DNAH5: variants seen among roughly 807,000 people sequenced by gnomAD.
DNAH5 encodes the protein dynein axonemal heavy chain 5.
In DNAH5, 372 loss-of-function variants were observed where a neutral mutation model predicts 518.2. That is an observed-to-expected ratio of 0.72 (90% CI 0.66 to 0.78). DNAH5 has a LOEUF of 0.78. Ranked by LOEUF, DNAH5 falls within the 30% of genes least tolerant of loss-of-function variation. The probability of loss-of-function intolerance (pLI) is 0.00; values close to 1 mark genes in which losing one functional copy is unlikely to be tolerated. For missense variants in DNAH5, 5,523 were observed against 5,687.0 expected, an observed-to-expected ratio of 0.97 and a Z score of 0.93; for synonymous variants, 2,039 against 2,025.9, an observed-to-expected ratio of 1.01 and a Z score of -0.17.
chr5:13,935,442 T>G (rs1778834040), intron 1 of DNAH5, among the ~76,000 whole-genome samples: 1 of 152,220 alleles, frequency 6.6e-6, no homozygotes, highest in Non-Finnish European at 1.5e-5. Context: ...GACATATTTT[T>G]AAGTAAATGT....
rs1372222800 is a variant in DNAH5 at position 13,922,186 on chromosome 5, T to A, written c.581A>T (p.Asn194Ile). Residue 194 changes from asparagine to isoleucine, a missense_variant, in exon 5 of 79, where the codon AAC (asparagine) becomes ATC (isoleucine). Asn to Ile is a moderately radical substitution (Grantham distance 149). This residue lies in a region of DNAH5 where 5,121 missense variants were observed against 5,223.3 expected (regional missense o/e 0.98). Transcript: ENST00000265104. ...GGAGCTCAAGAACTCCTGGCGAATGTTAGCTGCGTCCTGAAGGCCCTCGAG... is the reference window on the plus strand; with the variant it reads ...GGAGCTCAAGAACTCCTGGCGAATGATAGCTGCGTCCTGAAGGCCCTCGAG... ...GELEGLQDAA[N>I]IRQEFLSSLE... 2 of 1,614,032 alleles carry A rather than the reference T, an allele frequency of 1.2e-6. No homozygotes were observed. The highest frequency in any genetic ancestry group is 1.7e-6 in the Non-Finnish European group (2 of 1,179,980).
At chr5:13,921,475 TCACACACACACACACACA>T (rs138046391) in intron 5 of DNAH5, among the ~76,000 whole-genome samples, 2 of 73,698 alleles carry the variant, frequency 2.7e-5, no homozygotes, top group African/African-American at 1.0e-4. Context: ...TATCTCTCTC[TCACACACACACACACACA>T]CACACACACA....
intron 15 of DNAH5, chr5:13,899,640 CT>C (rs1278207902): frequency 6.5e-6 from 1 of 153,264 alleles, no homozygotes; most frequent in Non-Finnish European, 1.5e-5. Flanking sequence ...GTCAGGGCCC[CT>C]GCATGGTATT....
intron 47 of DNAH5, among the ~76,000 whole-genome samples, chr5:13,804,200 T>G (rs1425909843): frequency 6.6e-6 from 1 of 152,196 alleles, no homozygotes; most frequent in African/African-American, 2.4e-5. Context: ...TTGTCCAAAC[T>G]TTTGATAGTG....
At chr5:13,865,283 G>GCACC (rs1169958245) in intron 27 of DNAH5, among the ~76,000 whole-genome samples, 1 of 152,110 alleles carries the variant, frequency 6.6e-6, no homozygotes, top group East Asian at 1.9e-4. Context: ...ATGAGCTACT[G>GCACC]CACCCAGCCA....
chr5:13,962,759 C>G (rs1428179069), intron 1 of DNAH5, among the ~76,000 whole-genome samples: 1 of 152,168 alleles, frequency 6.6e-6, no homozygotes, highest in Non-Finnish European at 1.5e-5. Context: ...AAGATTCCTA[C>G]TAAAACTGGG....
At position 13,711,594 on chromosome 5, in the gene DNAH5, G is replaced by A. The variant is rs149032248; in HGVS notation, c.13125+2811C>T. 7.2e-4 allele frequency among the ~76,000 whole-genome samples: 110 copies of A among 152,252 alleles called. 2 individuals are homozygous for A. The highest frequency in any genetic ancestry group is 2.5e-3 in the African/African-American group (104 of 41,572). ...AGTCAAACTGTCACTGCTTGCTGAC[G>A]ATATGATCGCTTGCCTTGAAAACCC... On this transcript the variant is annotated intron_variant, in intron 75 of 78. Transcript: ENST00000265104.
intron 47 of DNAH5, among the ~76,000 whole-genome samples, chr5:13,795,967 G>C (rs186528856): frequency 1.3e-5 from 2 of 152,302 alleles, no homozygotes; most frequent in East Asian, 1.9e-4. Context: ...TATCTCAATA[G>C]ATGCAGAAAA....
intron 38 of DNAH5, among the ~76,000 whole-genome samples, chr5:13,828,127 G>A (rs1763146088): frequency 6.6e-6 from 1 of 152,226 alleles, no homozygotes. Flanking sequence ...AGAATGTTGG[G>A]AGACAAAATG....
chr5:13,827,566 C>T (rs1312307258), intron 38 of DNAH5, among the ~76,000 whole-genome samples: 1 of 150,542 alleles, frequency 6.6e-6, no homozygotes, highest in East Asian at 2.0e-4. Flanking sequence ...GGGGACTTGC[C>T]TTGTCTCAGA....
chr5:13,713,385 A>G (rs1403246997), intron 75 of DNAH5, among the ~76,000 whole-genome samples: 1 of 144,164 alleles, frequency 6.9e-6, no homozygotes, highest in East Asian at 2.0e-4. Context: ...CGACATATAT[A>G]TATACACTGA....
intron 50 of DNAH5, among the ~76,000 whole-genome samples, chr5:13,789,133 A>G (rs567318562): frequency 6.6e-6 from 1 of 152,366 alleles, no homozygotes; most frequent in South Asian, 2.1e-4. Flanking sequence ...GTAAGAAGAA[A>G]AAATCCTCCA....
chr5:13,769,252 T>TG lies in DNAH5; in HGVS notation c.9721-117_9721-116insC, dbSNP rs1261979621. 4 of 1,173,912 alleles carry TG rather than the reference T, an allele frequency of 3.4e-6. No homozygotes were observed. The African/African-American group carries it at 6.2e-5, about 18-fold the overall frequency. The allele number at this position is 1,173,912 out of a possible 1,614,324, so 72.7% of individuals were successfully genotyped here. A position where few individuals can be genotyped will look rare whatever the true frequency, so the allele number is the denominator to read the frequency against. On this transcript the variant is annotated intron_variant, in intron 57 of 78. Transcript: ENST00000265104. ...TTCACTTACCCAGTTTTGTTGTTTT[T>TG]TTTTTTTTTTTTTGAGATGGAGTCT... is the stretch of plus-strand genomic sequence containing the variant.
intron 3 of DNAH5, 36 bp from the exon 4 acceptor site, chr5:13,923,476 T>C (rs768533844): frequency 9.1e-5 from 146 of 1,612,140 alleles, no homozygotes; most frequent in Non-Finnish European, 1.2e-4. Flanking sequence ...TCACAAATGC[T>C]TTTTGCAGTC....
At chr5:13,898,783 A>C (rs779260350) in intron 15 of DNAH5, 2 of 395,144 alleles carry the variant, frequency 5.1e-6, no homozygotes, top group Non-Finnish European at 8.9e-6. Context: ...ACCACTATGA[A>C]ATTTTAACAA....
intron 1 of DNAH5, among the ~76,000 whole-genome samples, chr5:13,959,110 C>G (rs1780972657): frequency 6.6e-6 from 1 of 152,148 alleles, no homozygotes; most frequent in African/African-American, 2.4e-5. Flanking sequence ...CCACGCCCAG[C>G]TAATGTTTGT....
intron 68 of DNAH5, among the ~76,000 whole-genome samples, chr5:13,732,131 A>C (rs1746661597): frequency 6.6e-6 from 1 of 152,120 alleles, no homozygotes; most frequent in Non-Finnish European, 1.5e-5. Context: ...AAAAAAAAAA[A>C]AAAAAAATGG....
At chr5:13,777,696 A>T (rs1469248800) in intron 53 of DNAH5, among the ~76,000 whole-genome samples, 4 of 152,224 alleles carry the variant, frequency 2.6e-5, no homozygotes, top group Admixed American at 2.0e-4. Flanking sequence ...TTGATATTTG[A>T]TTGGCAATTG....
At chr5:13,848,352 A>G (rs930833616) in intron 31 of DNAH5, among the ~76,000 whole-genome samples, 1 of 152,068 alleles carries the variant, frequency 6.6e-6, no homozygotes, top group Non-Finnish European at 1.5e-5. Context: ...TTATGGTGAT[A>G]CTCTATGGCA....
Sources: allele counts gnomAD v4.1 joint callset (sites outside exome capture counted in the v4.1 genomes callset), GRCh38; gene constraint gnomAD v4.1.1; regional missense constraint gnomAD v4.1.1; transcripts MANE v1.5; gene names NCBI Gene and HGNC (gene_info 2026-07-23, HGNC 2026-07-21).